The following STXBP6 variants were observed in gnomAD, a reference collection of about 807,000 sequenced individuals.
The protein encoded by STXBP6 is syntaxin-binding protein 6.
A neutral mutation model predicts 26.9 loss-of-function variants in STXBP6; 21 were observed. The ratio of observed to expected loss-of-function variants is 0.78; its 90% CI spans 0.55 to 1.12. The LOEUF is 1.12. Among genes scored for constraint, STXBP6 ranks in the 50% most tolerant of loss-of-function variants. The probability of loss-of-function intolerance (pLI) is 0.00; values close to 1 mark genes in which losing one functional copy is unlikely to be tolerated. For missense variants in STXBP6, 232 were observed against 257.9 expected (o/e 0.90, Z 0.69); for synonymous variants, 97 against 92.6 (o/e 1.05, Z -0.27).
At chr14:25,002,815 T>C (rs2074796853) in intron 1 of STXBP6, among the ~76,000 whole-genome samples, 1 of 152,006 alleles carries the variant, frequency 6.6e-6, no homozygotes. Context: ...TTGCCCAGGC[T>C]GGGCAGGTTC....
chr14:24,887,672 A>G (rs1483330601), intron 2 of STXBP6, among the ~76,000 whole-genome samples: 1 of 152,098 alleles, frequency 6.6e-6, no homozygotes, highest in African/African-American at 2.4e-5. Flanking sequence ...CTAATAGTAA[A>G]TGCCCCAAAA....
chr14:24,986,754 C>T (rs1244795608), intron 1 of STXBP6, among the ~76,000 whole-genome samples: 1 of 152,218 alleles, frequency 6.6e-6, no homozygotes, highest in Admixed American at 6.5e-5. Context: ...GCACAAGGTC[C>T]TGTTGGGTAA....
chr14:24,992,598 T>C (rs972671986), intron 1 of STXBP6, among the ~76,000 whole-genome samples: 1 of 152,114 alleles, frequency 6.6e-6, no homozygotes, highest in Non-Finnish European at 1.5e-5. Flanking sequence ...AGACAAGACA[T>C]AAATGAATGG....
At chr14:25,047,137 C>T (rs1445283019) in intron 1 of STXBP6, among the ~76,000 whole-genome samples, 4 of 152,172 alleles carry the variant, frequency 2.6e-5, no homozygotes, top group East Asian at 1.9e-4. Flanking sequence ...CAGAACTGTA[C>T]GTAACCTCCT....
chr14:24,874,827 C>A (rs564236458), intron 2 of STXBP6, among the ~76,000 whole-genome samples: 3 of 152,194 alleles, frequency 2.0e-5, no homozygotes, highest in Admixed American at 2.0e-4. Flanking sequence ...TACACATCGA[C>A]CGGCTGTCTC....
At chr14:24,931,021 G>C (rs1288875078) in intron 2 of STXBP6, among the ~76,000 whole-genome samples, 1 of 136,116 alleles carries the variant, frequency 7.3e-6, no homozygotes, top group African/African-American at 2.8e-5. Context: ...TGAGGCAGGA[G>C]AATGGCGTGA....
At chr14:25,047,924 C>G (rs957291091) in intron 1 of STXBP6, among the ~76,000 whole-genome samples, 1 of 152,166 alleles carries the variant, frequency 6.6e-6, no homozygotes, top group Admixed American at 6.5e-5. Flanking sequence ...CCTTTCTGAC[C>G]GTGCCAATTC....
At chr14:24,911,318 T>C (rs562254331) in intron 2 of STXBP6, among the ~76,000 whole-genome samples, 8 of 136,484 alleles carry the variant, frequency 5.9e-5, no homozygotes, top group South Asian at 2.3e-4. Context: ...GCCTGGACAA[T>C]AGAACAAGAC....
At chr14:25,017,787 C>T (rs1018347645) in intron 1 of STXBP6, among the ~76,000 whole-genome samples, 2 of 152,158 alleles carry the variant, frequency 1.3e-5, no homozygotes, top group East Asian at 3.9e-4. Flanking sequence ...CTTACTGGAC[C>T]CTGTGGTTTC....
chr14:24,873,633 G>A (rs1022228888), intron 2 of STXBP6, among the ~76,000 whole-genome samples: 3 of 152,206 alleles, frequency 2.0e-5, no homozygotes, highest in Non-Finnish European at 4.4e-5. Flanking sequence ...CCCCATAGAA[G>A]GAAGTACGGG....
At chr14:25,034,934 C>G (rs1345160823) in intron 1 of STXBP6, among the ~76,000 whole-genome samples, 2 of 151,916 alleles carry the variant, frequency 1.3e-5, no homozygotes, top group Non-Finnish European at 2.9e-5. Context: ...GCAGATCACC[C>G]GAAGTCAGGA....
intron 1 of STXBP6, among the ~76,000 whole-genome samples, chr14:24,987,373 T>A (rs528084701): frequency 1.3e-5 from 2 of 152,332 alleles, no homozygotes; most frequent in South Asian, 2.1e-4. Flanking sequence ...ACCTGCATCT[T>A]CACCTTTAAA....
chr14:24,897,282 C>T (rs1335363039), intron 2 of STXBP6, among the ~76,000 whole-genome samples: 8 of 151,464 alleles, frequency 5.3e-5, no homozygotes, highest in East Asian at 3.9e-4. Context: ...TGGTGGTGGG[C>T]GCCTTTAGTC....
intron 2 of STXBP6, among the ~76,000 whole-genome samples, chr14:24,955,318 T>A (rs1264430482): frequency 2.6e-5 from 4 of 152,136 alleles, no homozygotes; most frequent in Non-Finnish European, 5.9e-5. Flanking sequence ...CCACATCTGA[T>A]GCCCAAGTAT....
Position 25,049,458 on chromosome 14 carries a change from T to G in STXBP6, c.-33+420A>C. 1.0e-6 allele frequency: 1 copy of G among 985,064 alleles called. No homozygotes were observed. Among genetic ancestry groups the G allele is most frequent in the Non-Finnish European group, 1.2e-6 (1 of 829,846 alleles). 61.0% of individuals were successfully genotyped at this position (985,064 alleles called of 1,614,324 possible). ...GATTCGCGGATTTCTGCGCTCAAGC[T>G]AGAGGCGCAGCGACCCCGAGCTCCC... On this transcript the variant is annotated intron_variant, in intron 1 of 5. Transcript: ENST00000323944. This position sits in a 1 kb window ranked among gnomAD's most constrained non-coding sequence, Gnocchi z 5.6.
chr14:24,901,260 T>C (rs984917614), intron 2 of STXBP6, among the ~76,000 whole-genome samples: 5 of 152,060 alleles, frequency 3.3e-5, no homozygotes, highest in Admixed American at 1.3e-4. Flanking sequence ...AATCTAGTGA[T>C]TTACGATCAT....
At chr14:24,989,881 C>A (rs2074422538) in intron 1 of STXBP6, among the ~76,000 whole-genome samples, 1 of 152,112 alleles carries the variant, frequency 6.6e-6, no homozygotes, top group African/African-American at 2.4e-5. Flanking sequence ...ATACGCCTCA[C>A]CTTTATACGT....
intron 2 of STXBP6, among the ~76,000 whole-genome samples, chr14:24,905,441 T>G (rs552643133): frequency 1.3e-5 from 2 of 152,316 alleles, no homozygotes; most frequent in African/African-American, 2.4e-5. Flanking sequence ...AAATGTTTGT[T>G]GAATTTGGGT....
rs187992168 is a variant in STXBP6, at chr14:24,954,142, C to G, written c.154+20523G>C. On this transcript the variant is annotated intron_variant, in intron 2 of 5. Transcript: ENST00000323944. ...TGTCACAGCTCCTTAATGAAGGTAA[C>G]AGGGGAAACAAAGCTATTTCACACC... 2.2e-4 allele frequency among the ~76,000 whole-genome samples: 33 copies of G among 152,284 alleles called. No individual in the cohort carries two copies. The East Asian group carries it at 6.4e-3, about 29-fold the overall frequency.
Sources: allele counts gnomAD v4.1 joint callset (sites outside exome capture counted in the v4.1 genomes callset), GRCh38; gene constraint gnomAD v4.1.1; non-coding constraint Gnocchi (gnomAD v3.1); transcripts MANE v1.5; gene names NCBI Gene and HGNC (gene_info 2026-07-23, HGNC 2026-07-21).